The following DSCC1 variants were observed in gnomAD, a reference collection of about 807,000 sequenced individuals.
DSCC1 encodes sister chromatid cohesion protein DCC1.
DSCC1 carries 32 observed loss-of-function variants against 48.2 expected under a neutral mutation model. The observed-to-expected ratio is 0.66, with a 90% CI of 0.50 to 0.89. DSCC1 has a LOEUF of 0.89. Among genes scored for constraint, DSCC1 ranks in the 40% least tolerant of loss-of-function variants. The pLI is 0.00. For synonymous variants in DSCC1, 150 were observed against 171.5 expected, an observed-to-expected ratio of 0.87 and a Z score of 0.98; for missense variants, 421 against 471.7, an observed-to-expected ratio of 0.89 and a Z score of 1.00.
intron 6 of DSCC1, among the ~76,000 whole-genome samples, chr8:119,842,252 T>G (rs113710965): frequency 6.6e-6 from 1 of 152,092 alleles, no homozygotes; most frequent in Non-Finnish European, 1.5e-5. Context: ...TTTTTTATTT[T>G]TAGTAGAGAT....
intron 3 of DSCC1, 73 bp downstream of exon 3, chr8:119,850,305 AAAGT>A: frequency 1.4e-6 from 2 of 1,413,068 alleles, no homozygotes; most frequent in Non-Finnish European, 1.9e-6. Flanking sequence ...TAAATTTTAA[AAAGT>A]AAGAATGTGA....
At chr8:119,836,327 G>A (rs1826682868) in intron 8 of DSCC1, among the ~76,000 whole-genome samples, 1 of 152,130 alleles carries the variant, frequency 6.6e-6, no homozygotes, top group South Asian at 2.1e-4. Context: ...AAATAAAGGA[G>A]CCAATGAGTT....
chr8:119,834,562 A>G lies in DSCC1; in HGVS notation c.*331T>C. On this transcript the variant is annotated 3_prime_UTR_variant, in exon 9 of 9. Coordinates refer to ENST00000313655, the MANE Select transcript of DSCC1 (RefSeq NM_024094.3). ...TTAGTTCTCTGGAAAACTTAAGTGTATTAATGATTAGAACATCAAATCCTA... is the reference window on the plus strand; with the variant it reads ...TTAGTTCTCTGGAAAACTTAAGTGTGTTAATGATTAGAACATCAAATCCTA... The G allele has an allele frequency of 4.4e-6, 1 of 225,492 alleles. No homozygotes were observed. The highest frequency in any genetic ancestry group is 8.6e-6 in the Non-Finnish European group (1 of 116,038). The allele number at this position is 225,492 out of a possible 1,614,324, so 14.0% of individuals were successfully genotyped here. A position where few individuals can be genotyped will look rare whatever the true frequency, so the allele number is the denominator to read the frequency against.
At chr8:119,849,435 A>G (rs1273160668) in intron 3 of DSCC1, among the ~76,000 whole-genome samples, 3 of 152,152 alleles carry the variant, frequency 2.0e-5, no homozygotes, top group Admixed American at 2.0e-4. Flanking sequence ...ACACTGATAC[A>G]TGCTACAACA....
chr8:119,836,679 G>A (rs1364877740), intron 8 of DSCC1, among the ~76,000 whole-genome samples: 1 of 151,984 alleles, frequency 6.6e-6, no homozygotes, highest in African/African-American at 2.4e-5. Context: ...GGTAAATTAA[G>A]CAACTAGATA....
chr8:119,836,314 A>G (rs1290337877), intron 8 of DSCC1, among the ~76,000 whole-genome samples: 1 of 152,240 alleles, frequency 6.6e-6, no homozygotes, highest in Non-Finnish European at 1.5e-5. Flanking sequence ...CTCTGTCTCA[A>G]ATAAATAAAG....
At chr8:119,855,460 C>T (rs969864275) in intron 1 of DSCC1, among the ~76,000 whole-genome samples, 154 bp downstream of exon 1, 1 of 152,338 alleles carries the variant, frequency 6.6e-6, no homozygotes, top group Non-Finnish European at 1.5e-5. Flanking sequence ...GACGGCCCAC[C>T]GGAGGCGTGG....
chr8:119,847,417 G>A (rs117687786), intron 3 of DSCC1, among the ~76,000 whole-genome samples: 1,751 of 152,240 alleles, frequency 0.012, 30 homozygotes, highest in Non-Finnish European at 0.013. Context: ...GACAAATACT[G>A]TATGATTCCA....
rs539342138 is a variant in DSCC1, at chr8:119,855,867, A to G, written c.-72T>C. The G allele has an allele frequency of 7.2e-7, 1 of 1,395,422 alleles. No individual in the cohort carries two copies. The highest frequency in any genetic ancestry group is 1.6e-5 in the South Asian group (1 of 63,630). The allele number at this position is 1,395,422 out of a possible 1,614,324, so 86.4% of individuals were successfully genotyped here. A position where few individuals can be genotyped will look rare whatever the true frequency, so the allele number is the denominator to read the frequency against. On this transcript the variant is annotated 5_prime_UTR_variant, in exon 1 of 9. Transcript: ENST00000313655. Reference sequence around the variant, plus strand: ...CTTGGCGGGCAAGAAAGAAGTTCCCAAGCAGCCGGAAGGTAGGAAACCTGA... The same window carrying G: ...CTTGGCGGGCAAGAAAGAAGTTCCCGAGCAGCCGGAAGGTAGGAAACCTGA...
chr8:119,845,615 C>T (rs1380849974), intron 4 of DSCC1, among the ~76,000 whole-genome samples: 1 of 151,334 alleles, frequency 6.6e-6, no homozygotes, highest in Admixed American at 6.6e-5. Flanking sequence ...ATGCAGAGGG[C>T]TGCATTAAAA....
intron 3 of DSCC1, among the ~76,000 whole-genome samples, chr8:119,847,749 T>C (rs1452161384): frequency 6.6e-6 from 1 of 150,674 alleles, no homozygotes; most frequent in Non-Finnish European, 1.5e-5. Context: ...CACCACAACC[T>C]CTGCCTCCCA....
intron 3 of DSCC1, among the ~76,000 whole-genome samples, chr8:119,848,492 G>A (rs751727566): frequency 2.8e-4 from 43 of 152,062 alleles, no homozygotes; most frequent in Non-Finnish European, 2.5e-4. Flanking sequence ...TATACAAATC[G>A]TCAATAAGCC....
chr8:119,850,836 A>C (rs914355414), intron 2 of DSCC1, among the ~76,000 whole-genome samples: 1 of 152,208 alleles, frequency 6.6e-6, no homozygotes, highest in Non-Finnish European at 1.5e-5. Context: ...AACCAAGTGG[A>C]AACAACTAAA....
chr8:119,842,037 AAAGG>A (rs1826779341), intron 6 of DSCC1, 89 bp from the exon 7 acceptor site: 12 of 1,440,504 alleles, frequency 8.3e-6, no homozygotes, highest in African/African-American at 5.7e-5. Flanking sequence ...CAGTTTCTTG[AAAGG>A]AATTATACAC....
rs191505809 is a variant in DSCC1, at chr8:119,835,710, G to C, written c.1074-709C>G. Among the ~76,000 whole-genome samples, 359 of 152,222 alleles carry C rather than the reference G, an allele frequency of 2.4e-3. 2 individuals carry two copies. Among genetic ancestry groups the C allele is most frequent in the Non-Finnish European group, 4.1e-3 (279 of 68,024 alleles). On this transcript the variant is annotated intron_variant, in intron 8 of 8. Coordinates refer to ENST00000313655, the MANE Select transcript of DSCC1 (RefSeq NM_024094.3). ...TTAGAAATACAAGCAGTGTAATACAGTGAGGCCTACACAGCAGGGCCTAGA... is the reference window on the plus strand; with the variant it reads ...TTAGAAATACAAGCAGTGTAATACACTGAGGCCTACACAGCAGGGCCTAGA...
At chr8:119,848,560 G>A (rs2131306715) in intron 3 of DSCC1, among the ~76,000 whole-genome samples, 1 of 152,304 alleles carries the variant, frequency 6.6e-6, no homozygotes, top group East Asian at 1.9e-4. Flanking sequence ...AAACAGTACG[G>A]CAGCTTGAAA....
At chr8:119,848,291 T>C (rs1826891332) in intron 3 of DSCC1, among the ~76,000 whole-genome samples, 1 of 152,130 alleles carries the variant, frequency 6.6e-6, no homozygotes, top group Non-Finnish European at 1.5e-5. Context: ...ATGTTATGTA[T>C]ATTTTACTCC....
intron 1 of DSCC1, among the ~76,000 whole-genome samples, 198 bp from the exon 2 acceptor site, chr8:119,853,413 G>C (rs1217793763): frequency 6.6e-6 from 1 of 152,130 alleles, no homozygotes; most frequent in Non-Finnish European, 1.5e-5. Flanking sequence ...GCCCCACCCA[G>C]AGCCTCATTA....
intron 6 of DSCC1, 56 bp from the exon 7 acceptor site, chr8:119,842,004 C>G: frequency 1.3e-6 from 2 of 1,540,074 alleles, no homozygotes; most frequent in Non-Finnish European, 1.8e-6. Flanking sequence ...AAATATTATA[C>G]TAACATTTCC....
Sources: allele counts gnomAD v4.1 joint callset (sites outside exome capture counted in the v4.1 genomes callset), GRCh38; gene constraint gnomAD v4.1.1; transcripts MANE v1.5; gene names NCBI Gene and HGNC (gene_info 2026-07-23, HGNC 2026-07-21).